The following PPP6R2 variants were observed in gnomAD, a reference collection of about 807,000 sequenced individuals.
PPP6R2 encodes serine/threonine-protein phosphatase 6 regulatory subunit 2.
A neutral mutation model predicts 100.2 loss-of-function variants in PPP6R2; 62 were observed. The ratio of observed to expected loss-of-function variants is 0.62; its 90% CI spans 0.50 to 0.76. The LOEUF is 0.76. PPP6R2 is among the 30% of genes least tolerant of loss of function. The pLI, the probability that PPP6R2 is intolerant of heterozygous loss-of-function variation, is 0.00. For missense variants in PPP6R2, 1,142 were observed against 1,276.3 expected (o/e 0.89, Z 1.60); for synonymous variants, 525 against 514.7 (o/e 1.02, Z -0.27).
At chr22:50,376,305 G>T (rs1368047627) in intron 2 of PPP6R2, among the ~76,000 whole-genome samples, 5 of 152,022 alleles carry the variant, frequency 3.3e-5, no homozygotes, top group African/African-American at 1.2e-4. Context: ...GGGTGACAAA[G>T]TGAAACCTTG....
chr22:50,414,348 C>T (rs930499737), intron 4 of PPP6R2, among the ~76,000 whole-genome samples: 2 of 74,356 alleles, frequency 2.7e-5, no homozygotes, highest in Admixed American at 1.0e-4. Context: ...CCCCCCCCCC[C>T]CCGCCCAGAC....
At chr22:50,388,951 C>T (rs2054854927) in intron 2 of PPP6R2, 1 of 152,012 alleles carries the variant, frequency 6.6e-6, no homozygotes, top group Non-Finnish European at 1.5e-5. Context: ...TTTCTCTTAG[C>T]AACAGTCTCT....
At chr22:50,355,425 A>G (rs886440781) in intron 1 of PPP6R2, among the ~76,000 whole-genome samples, 1 of 150,848 alleles carries the variant, frequency 6.6e-6, no homozygotes, top group Non-Finnish European at 1.5e-5. Flanking sequence ...TTTTTAGTAG[A>G]GAAGGGGTTT....
At chr22:50,361,318 G>A (rs1287291407) in intron 1 of PPP6R2, among the ~76,000 whole-genome samples, 1 of 152,138 alleles carries the variant, frequency 6.6e-6, no homozygotes, top group Non-Finnish European at 1.5e-5. Flanking sequence ...GTTCTAGAAC[G>A]GATACTTACT....
chr22:50,379,957 A>G (rs1203178071), intron 2 of PPP6R2, among the ~76,000 whole-genome samples: 1 of 152,218 alleles, frequency 6.6e-6, no homozygotes, highest in East Asian at 1.9e-4. Context: ...ACATGAAAAT[A>G]GTAACAAATA....
Position 50,437,005 on chromosome 22 carries a change from T to A in PPP6R2, c.1620T>A (p.Leu540=). 1 of 1,559,222 alleles carries A rather than the reference T, an allele frequency of 6.4e-7. No homozygotes were observed. Among genetic ancestry groups the A allele is most frequent in the South Asian group, 1.2e-5 (1 of 84,626 alleles). Residue 540 remains leucine (L), a synonymous_variant, in exon 15 of 24, where the codon CTT becomes CTA. Transcript: ENST00000612753. ...TGTTTTAGGTGAGCACTCACCACCT[T>A]CACTCCTCAAGTGAGGACGAGGACA... The part of the protein sequence containing the change: ...NTVDLVSTHH[L]HSSSEDEDIE...
chr22:50,431,459 T>C lies in PPP6R2; in HGVS notation c.1335+77T>C. 1 of 1,325,446 alleles carries C rather than the reference T, an allele frequency of 7.5e-7. No individual in the cohort carries two copies. The highest frequency in any genetic ancestry group is 1.0e-6 in the Non-Finnish European group (1 of 954,878). The allele number at this position is 1,325,446 out of a possible 1,614,324, so 82.1% of individuals were successfully genotyped here. ...CCGTGTCCATGTCAGCGCTGACGTGTGCCGGACCTCACTGTGCAGCTGACA... is the reference window on the plus strand; with the variant it reads ...CCGTGTCCATGTCAGCGCTGACGTGCGCCGGACCTCACTGTGCAGCTGACA... On this transcript the variant is annotated intron_variant, in intron 11 of 23. Transcript: ENST00000612753. The surrounding 1 kb of genome is among the most constrained non-coding windows in gnomAD (Gnocchi z 4.8).
intron 6 of PPP6R2, among the ~76,000 whole-genome samples, chr22:50,417,519 C>G (rs1267807757): frequency 6.6e-6 from 1 of 152,186 alleles, no homozygotes; most frequent in Non-Finnish European, 1.5e-5. Context: ...ATTACACATA[C>G]CGATCTATAC....
At chr22:50,443,783 TTG>T in intron 22 of PPP6R2, 81 bp from the exon 23 acceptor site, 4 of 1,480,040 alleles carry the variant, frequency 2.7e-6, no homozygotes, top group Non-Finnish European at 3.6e-6. Context: ...CTGGACCTTT[TTG>T]TCCAGCTGGT....
At position 50,440,925 on chromosome 22, in the gene PPP6R2, C is replaced by G. The variant is rs199797747; in HGVS notation, c.2478C>G (p.Gly826=). 27 of 1,613,676 alleles carry G rather than the reference C, an allele frequency of 1.7e-5. No individual in the cohort carries two copies. In the South Asian group the frequency reaches 3.0e-4, roughly 18 times the overall value. ...SSSGGSHSED[G]DQKAASAMDA... is the part of the protein sequence containing the mutation. ...CTGGGGGCTCCCACAGCGAGGATGG[C>G]GACCAGAAGGCAGCGAGTGCCATGG... Residue 826 remains glycine, a synonymous_variant, in exon 22 of 24, where the codon GGC becomes GGG. Transcript: ENST00000612753.
chr22:50,434,344 G>A (rs1455904946), intron 12 of PPP6R2, among the ~76,000 whole-genome samples: 1 of 73,350 alleles, frequency 1.4e-5, no homozygotes, highest in African/African-American at 6.8e-5. Flanking sequence ...GAGGAGGGCC[G>A]GGGGCATGGA....
chr22:50,378,999 G>A (rs543176469), intron 2 of PPP6R2, among the ~76,000 whole-genome samples: 1 of 151,994 alleles, frequency 6.6e-6, no homozygotes, highest in Admixed American at 6.6e-5. Context: ...AGTCCCTTTT[G>A]CCATGTGAGG....
chr22:50,443,983 G>A lies in PPP6R2; in HGVS notation c.2697G>A (p.Leu899=), dbSNP rs1476253603. Reference sequence around the variant, plus strand: ...CTACTGTGGCCATCACCACAGCACTGAGCAAGGCTGGCCCCGCCATACCCA... The same window carrying A: ...CTACTGTGGCCATCACCACAGCACTAAGCAAGGCTGGCCCCGCCATACCCA... ...PEATVAITTA[L]SKAGPAIPTP... is the part of the protein sequence containing the mutation. Residue 899 remains leucine, a synonymous_variant, in exon 23 of 24, where the codon CTG becomes CTA. Coordinates refer to ENST00000612753, the MANE Select transcript of PPP6R2 (RefSeq NM_001242898.2). 2.5e-6 allele frequency: 4 copies of A among 1,612,614 alleles called. No individual in the cohort carries two copies. The highest frequency in any genetic ancestry group is 2.2e-5 in the East Asian group (1 of 44,856).
intron 2 of PPP6R2, among the ~76,000 whole-genome samples, chr22:50,391,432 C>CAAAAAAAAAAAAAAAAAAAAAAAAA (rs57682271): frequency 1.5e-5 from 1 of 65,294 alleles, no homozygotes; most frequent in Non-Finnish European, 2.7e-5. Flanking sequence ...GACTCCGTCT[C>CAAAAAAAAAAAAAAAAAAAAAAAAA]AAAAAAAAAA....
At chr22:50,389,263 AC>A (rs1369481266) in intron 2 of PPP6R2, among the ~76,000 whole-genome samples, 5 of 152,164 alleles carry the variant, frequency 3.3e-5, no homozygotes, top group Non-Finnish European at 7.3e-5. Flanking sequence ...GGCCATGACC[AC>A]TTGTTTGTTC....
intron 12 of PPP6R2, among the ~76,000 whole-genome samples, chr22:50,434,165 C>T (rs1418340711): frequency 2.2e-5 from 1 of 44,730 alleles, no homozygotes; most frequent in South Asian, 1.2e-3. Context: ...GCCGGGGGCG[C>T]AGACGCTGGG....
At chr22:50,433,859 T>C (rs374699582) in intron 12 of PPP6R2, among the ~76,000 whole-genome samples, 3 of 18,316 alleles carry the variant, frequency 1.6e-4, no homozygotes, top group Non-Finnish European at 2.0e-4. Flanking sequence ...GGGGCATGGA[T>C]GCTGGGCAGG....
At chr22:50,406,112 A>G (rs1215493989) in intron 3 of PPP6R2, among the ~76,000 whole-genome samples, 22 of 90,632 alleles carry the variant, frequency 2.4e-4, no homozygotes, top group East Asian at 1.2e-3. Context: ...GAGGTGAGAG[A>G]CCTGGCAGGC....
intron 1 of PPP6R2, among the ~76,000 whole-genome samples, chr22:50,371,307 C>T (rs560237940): frequency 1.6e-4 from 24 of 152,132 alleles, no homozygotes; most frequent in African/African-American, 5.8e-4. Context: ...AACTGGGTGT[C>T]TGCACTAAGT....
Sources: gnomAD v4.1 joint callset for allele counts (sites outside exome capture counted in the v4.1 genomes callset) on GRCh38, gnomAD v4.1.1 for gene constraint, Gnocchi (gnomAD v3.1) non-coding constraint, MANE v1.5 for transcripts, NCBI Gene and HGNC (gene_info 2026-07-23, HGNC 2026-07-21) for gene names.